The following CTNNA3 variants were observed in gnomAD, a reference collection of about 807,000 sequenced individuals.
CTNNA3 encodes catenin alpha-3.
A neutral mutation model predicts 95.7 loss-of-function variants in CTNNA3; 76 were observed. The observed-to-expected ratio is 0.79, with a 90% CI of 0.66 to 0.96. The LOEUF (loss-of-function observed/expected upper bound fraction) is 0.96. Ranked by LOEUF, CTNNA3 falls within the 40% of genes least tolerant of loss-of-function variation. The pLI is 0.00. For synonymous variants in CTNNA3, 431 were observed against 374.4 expected (o/e 1.15, Z -1.74); for missense variants, 1,191 against 1,089.8 (o/e 1.09, Z -1.31).
intron 12 of CTNNA3, among the ~76,000 whole-genome samples, chr10:66,332,563 C>T (rs934213502): frequency 5.3e-5 from 8 of 152,034 alleles, no homozygotes; most frequent in African/African-American, 1.9e-4. Context: ...AGCCTTTCAT[C>T]CCCGGCATGA....
Position 66,105,458 on chromosome 10 carries a change from A to C in CTNNA3, c.1885-2209T>G, listed in dbSNP as rs535498942. Among the ~76,000 whole-genome samples the C allele has an allele frequency of 5.9e-5, 9 of 152,300 alleles. No individual in the cohort carries two copies. The South Asian group carries it at 1.9e-3, about 32-fold the overall frequency. On this transcript the variant is annotated intron_variant, in intron 13 of 17. Coordinates refer to ENST00000433211, the MANE Select transcript of CTNNA3 (RefSeq NM_013266.4). ...CTGTCTGGTGTCCCTACTGTGATCTATTCCTTATAAATGTCTGCTGTTTAT... is the reference window on the plus strand; with the variant it reads ...CTGTCTGGTGTCCCTACTGTGATCTCTTCCTTATAAATGTCTGCTGTTTAT...
chr10:66,144,938 GTTTA>G (rs1217245984), intron 13 of CTNNA3, among the ~76,000 whole-genome samples: 1 of 152,026 alleles, frequency 6.6e-6, no homozygotes, highest in Non-Finnish European at 1.5e-5. Context: ...TCTATAACTA[GTTTA>G]TTTATTTCAG....
intron 5 of CTNNA3, among the ~76,000 whole-genome samples, chr10:67,422,851 T>C (rs1845794613): frequency 6.6e-6 from 1 of 152,176 alleles, no homozygotes; most frequent in Admixed American, 6.6e-5. Flanking sequence ...CAGGTAGTTC[T>C]TTCTAGGAGT....
intron 16 of CTNNA3, among the ~76,000 whole-genome samples, chr10:65,986,326 CA>C (rs60393769): frequency 0.78 from 111,978 of 143,248 alleles, 43,635 homozygotes; most frequent in Non-Finnish European, 0.83. Flanking sequence ...AAGGCTCTAC[CA>C]AAAAAAAAAA....
At chr10:67,574,825 C>T (rs1285567064) in intron 3 of CTNNA3, among the ~76,000 whole-genome samples, 1 of 152,118 alleles carries the variant, frequency 6.6e-6, no homozygotes, top group Admixed American at 6.6e-5. Flanking sequence ...AGGTGATCCA[C>T]CTGCCTCGGC....
At chr10:66,164,824 C>A (rs2085040122) in intron 13 of CTNNA3, among the ~76,000 whole-genome samples, 1 of 152,068 alleles carries the variant, frequency 6.6e-6, no homozygotes, top group Non-Finnish European at 1.5e-5. Context: ...ATTCATCCTT[C>A]CAACACTGGT....
chr10:67,632,312 T>TAA (rs10638046), intron 2 of CTNNA3, among the ~76,000 whole-genome samples: 13,678 of 144,164 alleles, frequency 0.095, 1,305 homozygotes, highest in African/African-American at 0.24. Flanking sequence ...TTAAATATAT[T>TAA]AAAAAAAAAA....
intron 13 of CTNNA3, among the ~76,000 whole-genome samples, chr10:66,149,029 T>C (rs2084045465): frequency 1.3e-5 from 2 of 151,124 alleles, no homozygotes; most frequent in Admixed American, 6.6e-5. Flanking sequence ...TAATTAACTG[T>C]AATTTAACTA....
intron 7 of CTNNA3, among the ~76,000 whole-genome samples, chr10:67,164,074 T>C (rs554503616): frequency 7.4e-6 from 1 of 134,904 alleles, no homozygotes; most frequent in Admixed American, 6.9e-5. Context: ...TTTTTATAAT[T>C]CTTATAAAAC....
At chr10:66,355,898 C>T in intron 12 of CTNNA3, among the ~76,000 whole-genome samples, 1 of 25,718 alleles carries the variant, frequency 3.9e-5, no homozygotes, top group East Asian at 0.1. Flanking sequence ...AGTTGAGGTT[C>T]AATGTCTAAA....
chr10:66,980,226 T>A (rs940517811), intron 7 of CTNNA3, among the ~76,000 whole-genome samples: 2 of 152,210 alleles, frequency 1.3e-5, no homozygotes, highest in African/African-American at 4.8e-5. Flanking sequence ...CCTCCCCTGA[T>A]GAAGTCAATT....
At chr10:66,366,358 T>C (rs2092711312) in intron 12 of CTNNA3, among the ~76,000 whole-genome samples, 1 of 152,186 alleles carries the variant, frequency 6.6e-6, no homozygotes, top group African/African-American at 2.4e-5. Context: ...GAAAAAACCA[T>C]GATTCAGCAA....
intron 5 of CTNNA3, among the ~76,000 whole-genome samples, chr10:67,506,761 G>A (rs1261870296): frequency 6.6e-6 from 1 of 152,160 alleles, no homozygotes; most frequent in African/African-American, 2.4e-5. Context: ...CACAGGTAGA[G>A]ATGTACAGCT....
intron 5 of CTNNA3, among the ~76,000 whole-genome samples, chr10:67,394,491 CAG>C (rs904239548): frequency 2.0e-5 from 3 of 152,082 alleles, no homozygotes; most frequent in African/African-American, 7.2e-5. Context: ...GTACCTGCCA[CAG>C]AGTTACCTTT....
intron 1 of CTNNA3, among the ~76,000 whole-genome samples, chr10:67,686,877 C>A (rs1317043556): frequency 6.6e-6 from 1 of 152,090 alleles, no homozygotes; most frequent in East Asian, 1.9e-4. Context: ...AATGCCCAGA[C>A]TTCAGGGTTG....
At chr10:66,406,802 A>T (rs1461347061) in intron 11 of CTNNA3, among the ~76,000 whole-genome samples, 1 of 152,144 alleles carries the variant, frequency 6.6e-6, no homozygotes, top group Non-Finnish European at 1.5e-5. Context: ...ACTCTTGTAT[A>T]ATTATGTCAT....
At chr10:66,262,699 A>T (rs11816454) in intron 13 of CTNNA3, among the ~76,000 whole-genome samples, 22,448 of 151,970 alleles carry the variant, frequency 0.15, 1,826 homozygotes, top group East Asian at 0.28. Flanking sequence ...GAAGAGAAAA[A>T]TCTGAGCTAG....
chr10:66,952,498 G>A (rs1293579154), intron 7 of CTNNA3, among the ~76,000 whole-genome samples: 1 of 152,040 alleles, frequency 6.6e-6, no homozygotes, highest in African/African-American at 2.4e-5. Context: ...GATGACATTA[G>A]GATATCATAC....
rs139719306 is a variant in CTNNA3, at chr10:66,475,881, A to G, written c.1531+44736T>C. 3.9e-3 allele frequency among the ~76,000 whole-genome samples: 593 copies of G among 152,286 alleles called. 4 individuals carry two copies. The highest frequency in any genetic ancestry group is 7.1e-3 in the Non-Finnish European group (484 of 68,016). On this transcript the variant is annotated intron_variant, in intron 11 of 17. Transcript: ENST00000433211. ...TTACTGGGTATATACTCAAAGAAAT[A>G]TAAATCATCCTATTATAAAGACACA... is the stretch of plus-strand genomic sequence containing the variant.
Sources: gnomAD v4.1 joint callset for allele counts (sites outside exome capture counted in the v4.1 genomes callset) on GRCh38, gnomAD v4.1.1 for gene constraint, MANE v1.5 for transcripts, NCBI Gene and HGNC (gene_info 2026-07-23, HGNC 2026-07-21) for gene names.